The following TRIQK variants were observed in gnomAD, a reference collection of about 807,000 sequenced individuals.
TRIQK encodes the protein triple QxxK/R motif containing.
In TRIQK, 10 loss-of-function variants were observed where a neutral mutation model predicts 10.8. That is an observed-to-expected ratio of 0.92 (90% CI 0.57 to 1.57). The LOEUF (loss-of-function observed/expected upper bound fraction) is 1.57, where lower values mean the gene tolerates loss of function less well. Among genes scored for constraint, TRIQK ranks in the 40% most tolerant of loss-of-function variants. The probability of loss-of-function intolerance (pLI) is 0.00; values close to 1 mark genes in which losing one functional copy is unlikely to be tolerated. For missense variants in TRIQK, 107 were observed against 97.7 expected (o/e 1.09, Z -0.40); for synonymous variants, 33 against 33.7 (o/e 0.98, Z 0.07).
chr8:92,920,348 A>G (rs1810110414), intron 2 of TRIQK, among the ~76,000 whole-genome samples: 1 of 151,688 alleles, frequency 6.6e-6, no homozygotes, highest in African/African-American at 2.4e-5. Flanking sequence ...GTAAGGCATT[A>G]CAAGATGAAG....
At chr8:92,907,270 G>A (rs1008453433) in intron 3 of TRIQK, among the ~76,000 whole-genome samples, 5 of 152,066 alleles carry the variant, frequency 3.3e-5, no homozygotes, top group Non-Finnish European at 5.9e-5. Flanking sequence ...GGATACTTCT[G>A]CCTGGGATCA....
At chr8:92,940,334 T>TAAA (rs56063230) in intron 2 of TRIQK, among the ~76,000 whole-genome samples, 1 of 130,368 alleles carries the variant, frequency 7.7e-6, no homozygotes, top group East Asian at 2.4e-4. Context: ...ATAGATTTAA[T>TAAA]AAAAAAAAAA....
chr8:92,910,514 G>T (rs951354988), intron 3 of TRIQK, among the ~76,000 whole-genome samples: 16 of 150,808 alleles, frequency 1.1e-4, no homozygotes, highest in African/African-American at 2.9e-4. Flanking sequence ...AATATATCAA[G>T]ATTTTTAATT....
At chr8:92,916,458 G>A (rs1809851314) in intron 3 of TRIQK, among the ~76,000 whole-genome samples, 1 of 151,872 alleles carries the variant, frequency 6.6e-6, no homozygotes, top group African/African-American at 2.4e-5. Context: ...TATGACCTCT[G>A]GAGAATTCTC....
At chr8:92,984,009 C>T (rs529289882) in intron 1 of TRIQK, among the ~76,000 whole-genome samples, 15 of 151,946 alleles carry the variant, frequency 9.9e-5, no homozygotes, top group Admixed American at 5.9e-4. Flanking sequence ...GTTTCGGTTA[C>T]GTGAAAAATA....
intron 1 of TRIQK, among the ~76,000 whole-genome samples, chr8:92,956,651 A>G (rs1360154405): frequency 6.6e-6 from 1 of 151,860 alleles, no homozygotes; most frequent in Non-Finnish European, 1.5e-5. Flanking sequence ...GATTATAAAA[A>G]TGTAATAAAC....
At position 92,885,072 on chromosome 8, in the gene TRIQK, C is replaced by G. The variant is rs1336260240; in HGVS notation, c.*1550G>C. ...GGTCTGTCTCTTGAGTCTGTGAGTT[C>G]AAAGGGAAGAATCTAGTAAATAACA... On this transcript the variant is annotated 3_prime_UTR_variant, in exon 5 of 5. Coordinates refer to ENST00000521988, the MANE Select transcript of TRIQK (RefSeq NM_001171797.2). The G allele has an allele frequency of 2.2e-5, 10 of 447,772 alleles. No homozygotes were observed. The Admixed American group carries it at 2.4e-4, about 11-fold the overall frequency. 27.7% of individuals were successfully genotyped at this position (447,772 alleles called of 1,614,324 possible).
intron 3 of TRIQK, among the ~76,000 whole-genome samples, chr8:92,912,983 T>G (rs771535765): frequency 6.6e-6 from 1 of 152,114 alleles, no homozygotes; most frequent in Non-Finnish European, 1.5e-5. Flanking sequence ...TACCTTGATT[T>G]GAAAGCCAAA....
At chr8:92,938,278 A>G (rs537154958) in intron 2 of TRIQK, among the ~76,000 whole-genome samples, 5 of 152,110 alleles carry the variant, frequency 3.3e-5, no homozygotes, top group Middle Eastern at 3.4e-3. Context: ...TGAGATATAT[A>G]TATATATTCG....
At chr8:92,950,836 C>T (rs995722619) in intron 2 of TRIQK, among the ~76,000 whole-genome samples, 1 of 152,072 alleles carries the variant, frequency 6.6e-6, no homozygotes, top group Admixed American at 6.6e-5. Context: ...CATAAATATT[C>T]TACTTTTCTA....
intron 2 of TRIQK, among the ~76,000 whole-genome samples, chr8:92,949,786 G>GAAAGAA (rs1462765161): frequency 1.0e-3 from 11 of 10,526 alleles, no homozygotes; most frequent in African/African-American, 3.7e-3. Context: ...GAAAGAAAAA[G>GAAAGAA]AAAGAAAGAA....
intron 3 of TRIQK, among the ~76,000 whole-genome samples, chr8:92,916,119 T>G (rs537130304): frequency 3.9e-5 from 6 of 152,300 alleles, no homozygotes; most frequent in Non-Finnish European, 8.8e-5. Flanking sequence ...GTTACCTTTT[T>G]GCTTCTAACT....
intron 3 of TRIQK, among the ~76,000 whole-genome samples, chr8:92,911,986 T>C (rs182147930): frequency 1.3e-5 from 2 of 148,922 alleles, no homozygotes; most frequent in Non-Finnish European, 3.0e-5. Context: ...TAGAAAGCAA[T>C]ACCATAATAG....
chr8:92,941,062 T>C (rs1811247092), intron 2 of TRIQK: 1 of 152,122 alleles, frequency 6.6e-6, no homozygotes, highest in East Asian at 1.9e-4. Context: ...GGGAAATTTA[T>C]TTATTATTTA....
intron 1 of TRIQK, among the ~76,000 whole-genome samples, chr8:92,955,625 A>G (rs1812129923): frequency 6.6e-6 from 1 of 151,820 alleles, no homozygotes; most frequent in South Asian, 2.1e-4. Context: ...ATGACCAAAA[A>G]AGTGCAAAGA....
chr8:92,940,336 A>T (rs1444087957), intron 2 of TRIQK, among the ~76,000 whole-genome samples: 2 of 12,626 alleles, frequency 1.6e-4, no homozygotes, highest in Admixed American at 1.4e-3. Context: ...AGATTTAATA[A>T]AAAAAAAAAA....
intron 1 of TRIQK, among the ~76,000 whole-genome samples, chr8:93,002,682 G>A (rs183680644): frequency 2.3e-4 from 35 of 152,286 alleles, no homozygotes; most frequent in Non-Finnish European, 1.2e-4. Flanking sequence ...CAGTTTGGGA[G>A]ACCGAGGTGG....
Position 92,893,958 on chromosome 8 carries a change from A to G in TRIQK, c.62-1884T>C, listed in dbSNP as rs187437942. 2.0e-3 allele frequency among the ~76,000 whole-genome samples: 306 copies of G among 152,182 alleles called. 6 individuals carry two copies. Among genetic ancestry groups the G allele is most frequent in the Admixed American group, 0.02 (304 of 15,260 alleles). ...TTGGATAATGTATCTGTCATAAAACACATGCAAATATCTAAGAGTCAATAC... is the reference window on the plus strand; with the variant it reads ...TTGGATAATGTATCTGTCATAAAACGCATGCAAATATCTAAGAGTCAATAC... On this transcript the variant is annotated intron_variant, in intron 3 of 4. Coordinates refer to ENST00000521988, the MANE Select transcript of TRIQK (RefSeq NM_001171797.2).
intron 1 of TRIQK, among the ~76,000 whole-genome samples, chr8:92,976,141 T>A (rs182483900): frequency 6.6e-5 from 10 of 152,110 alleles, no homozygotes; most frequent in South Asian, 6.2e-4. Flanking sequence ...TTTACTTCAA[T>A]AGCATTCTAT....
Sources: gnomAD v4.1 joint callset for allele counts (sites outside exome capture counted in the v4.1 genomes callset) on GRCh38, gnomAD v4.1.1 for gene constraint, MANE v1.5 for transcripts, NCBI Gene and HGNC (gene_info 2026-07-23, HGNC 2026-07-21) for gene names.